The following ALG1 variants were observed in gnomAD, a reference collection of about 807,000 sequenced individuals.
ALG1 encodes the protein ALG1 chitobiosyldiphosphodolichol beta-mannosyltransferase.
Under a neutral mutation model 55.1 loss-of-function variants are expected in ALG1, and 58 were observed. The ratio of observed to expected loss-of-function variants is 1.05; its 90% CI spans 0.85 to 1.31. The LOEUF is 1.31. Among genes scored for constraint, ALG1 ranks in the 50% most tolerant of loss-of-function variants. ALG1 has a pLI of 0.00. For missense variants in ALG1, 761 were observed against 598.6 expected, an observed-to-expected ratio of 1.27 and a Z score of -2.83; for synonymous variants, 309 against 247.0, an observed-to-expected ratio of 1.25 and a Z score of -2.35.
chr16:5,083,450 A>AC (rs1447274031), intron 11 of ALG1, among the ~76,000 whole-genome samples: 2 of 151,840 alleles, frequency 1.3e-5, no homozygotes, highest in East Asian at 1.9e-4. Context: ...GAAGGTACAA[A>AC]CCCCCCTTAA....
Position 5,079,636 on chromosome 16 carries a change from C to T in ALG1, c.902-112C>T. On this transcript the variant is annotated intron_variant, in intron 8 of 12. Coordinates refer to ENST00000262374, the MANE Select transcript of ALG1 (RefSeq NM_019109.5). ...CCCAGGAGGCAGAGGTTGCAGTGAG[C>T]TGAGATCGCGCCATTGCATTCCAGC... 3.2e-6 allele frequency: 4 copies of T among 1,263,036 alleles called. No individual in the cohort carries two copies. In the Admixed American group the frequency reaches 7.1e-5, roughly 22 times the overall value. 78.2% of individuals were successfully genotyped at this position (1,263,036 alleles called of 1,614,324 possible).
Position 5,079,805 on chromosome 16 carries a change from C to T in ALG1, c.959C>T (p.Thr320Ile), listed in dbSNP as rs760346299. 1.2e-6 allele frequency: 2 copies of T among 1,611,726 alleles called. No individual in the cohort carries two copies. Among genetic ancestry groups the T allele is most frequent in the Non-Finnish European group, 1.7e-6 (2 of 1,179,692 alleles). ...HNLPSLVCVITGKGPLREYYS... is the reference protein window; with the variant it reads ...HNLPSLVCVIIGKGPLREYYS... ...CTTCCTTCTCTCGTCTGTGTGATAA[C>T]AGGTACTGCCTGGGACCCTGGGTGT... is the stretch of plus-strand genomic sequence containing the variant. Residue 320 changes from threonine to isoleucine, a missense_variant and splice_region_variant, in exon 9 of 13, where the codon ACA (threonine) becomes ATA (isoleucine). Thr to Ile is a moderately conservative substitution (Grantham distance 89). Coordinates refer to ENST00000262374, the MANE Select transcript of ALG1 (RefSeq NM_019109.5).
At chr16:5,072,389 A>C in intron 1 of ALG1, 1 of 647,224 alleles carries the variant, frequency 1.5e-6, no homozygotes. Context: ...GCTATGTCTG[A>C]GCTGACAGGA....
rs8054647 is a variant in ALG1, at chr16:5,078,208, C to T, written c.740+191C>T. 9.5e-3 allele frequency: 7,140 copies of T among 750,226 alleles called. 79 individuals are homozygous for T. Among genetic ancestry groups the T allele is most frequent in the African/African-American group, 0.031 (1,812 of 58,110 alleles). The allele number at this position is 750,226 out of a possible 1,614,324, so 46.5% of individuals were successfully genotyped here. A position where few individuals can be genotyped will look rare whatever the true frequency, so the allele number is the denominator to read the frequency against. On this transcript the variant is annotated intron_variant, in intron 6 of 12. Transcript: ENST00000262374. ...CATTGCCTTCTGAGTTGTCTACAGC[C>T]GCCTTTGAGCTGCAATAGCAGAATC...
At chr16:5,081,597 G>A (rs1480720873) in intron 10 of ALG1, among the ~76,000 whole-genome samples, 1 of 152,164 alleles carries the variant, frequency 6.6e-6, no homozygotes, top group African/African-American at 2.4e-5. Context: ...AGACAGTCTC[G>A]CTCCGTTGCC....
chr16:5,076,792 C>CTTTT (rs5815229), intron 4 of ALG1, among the ~76,000 whole-genome samples: 3 of 108,848 alleles, frequency 2.8e-5, no homozygotes, highest in African/African-American at 3.4e-5. Flanking sequence ...GTATTTCTTC[C>CTTTT]TTTTTTTTTT....
At chr16:5,075,925 T>C (rs1301704330) in intron 4 of ALG1, among the ~76,000 whole-genome samples, 1 of 152,198 alleles carries the variant, frequency 6.6e-6, no homozygotes, top group Admixed American at 6.5e-5. Flanking sequence ...CTTCCTCTGA[T>C]CTGCCTGTTG....
chr16:5,085,494 G>C lies in ALG1; in HGVS notation c.*613G>C. The C allele has an allele frequency of 1.3e-6, 1 of 752,278 alleles. No individual in the cohort carries two copies. The highest frequency in any genetic ancestry group is 2.6e-5 in the East Asian group (1 of 38,964). 46.6% of individuals were successfully genotyped at this position (752,278 alleles called of 1,614,324 possible). A position where few individuals can be genotyped will look rare whatever the true frequency, so the allele number is the denominator to read the frequency against. ...ATAGCCGATGTCTTATTAGAGGGCA[G>C]TTTGTGGTTCCTGATTTGGAAATTA... On this transcript the variant is annotated 3_prime_UTR_variant, in exon 13 of 13. Coordinates refer to ENST00000262374, the MANE Select transcript of ALG1 (RefSeq NM_019109.5).
At chr16:5,075,115 G>C (rs1048040610) in intron 3 of ALG1, among the ~76,000 whole-genome samples, 2 of 152,018 alleles carry the variant, frequency 1.3e-5, no homozygotes, top group Non-Finnish European at 1.5e-5. Context: ...TGTTTCCTAG[G>C]CCGGCCTTGA....
chr16:5,080,154 G>A (rs1248541583), intron 9 of ALG1, among the ~76,000 whole-genome samples: 3 of 144,656 alleles, frequency 2.1e-5, no homozygotes, highest in Non-Finnish European at 3.0e-5. Context: ...TGCAACCTCC[G>A]CCTCCCACAT....
Position 5,071,885 on chromosome 16 carries a change from T to C in ALG1, c.36T>C (p.Cys12=), listed in dbSNP as rs369180139. 151 of 1,603,214 alleles carry C rather than the reference T, an allele frequency of 9.4e-5. No homozygotes were observed. Among genetic ancestry groups the C allele is most frequent in the Non-Finnish European group, 1.2e-4 (141 of 1,176,966 alleles). ...CATGCTTGGTCCTGCTGGCGCTGTG[T>C]CTGCTGCTGCCGCTGCTGCTGCTGG... is the stretch of plus-strand genomic sequence containing the variant. ...AASCLVLLAL[C]LLLPLLLLGG... The change falls in exon 1 of 13, where the codon TGT becomes TGC. Residue 12 remains cysteine (C), a synonymous_variant. Transcript: ENST00000262374.
chr16:5,082,100 G>A (rs1957026245), intron 10 of ALG1, among the ~76,000 whole-genome samples: 1 of 151,354 alleles, frequency 6.6e-6, no homozygotes, highest in Admixed American at 6.6e-5. Flanking sequence ...CTGCCACGAT[G>A]CTTGGCTAAT....
chr16:5,078,743 T>G lies in ALG1; in HGVS notation c.741-14T>G. ...CTCTATGGCCTCTCACAGGCTTTTT[T>G]TCTGCTCCTTCAGCTCAGAACCTGA... On this transcript the variant is annotated splice_polypyrimidine_tract_variant and intron_variant, in intron 6 of 12. Coordinates refer to ENST00000262374, the MANE Select transcript of ALG1 (RefSeq NM_019109.5). The G allele has an allele frequency of 6.2e-7, 1 of 1,612,764 alleles. No homozygotes were observed. Among genetic ancestry groups the G allele is most frequent in the Non-Finnish European group, 8.5e-7 (1 of 1,179,792 alleles).
chr16:5,080,134 C>G (rs1167473880), intron 9 of ALG1, among the ~76,000 whole-genome samples: 1 of 143,624 alleles, frequency 7.0e-6, no homozygotes, highest in Non-Finnish European at 1.5e-5. Context: ...GTGGTGCGAT[C>G]TCGGCTCACT....
Position 5,085,695 on chromosome 16 carries a change from A to G in ALG1, c.*814A>G, listed in dbSNP as rs1301894696. ...CTTCGTAGGGAAACAGTTTCTGCTC[A>G]TGACGAGGTTCCACTTCCCATCTGA... On this transcript the variant is annotated 3_prime_UTR_variant, in exon 13 of 13. Transcript: ENST00000262374. The G allele has an allele frequency of 2.5e-6, 4 of 1,611,798 alleles. No individual in the cohort carries two copies. The highest frequency in any genetic ancestry group is 3.4e-6 in the Non-Finnish European group (4 of 1,179,804).
chr16:5,073,663 G>A (rs896398029), intron 3 of ALG1, among the ~76,000 whole-genome samples: 3 of 152,234 alleles, frequency 2.0e-5, no homozygotes, highest in Non-Finnish European at 2.9e-5. Flanking sequence ...AACGTAGGTC[G>A]TCAGTGTGGT....
rs1475479052 is a variant in ALG1, at chr16:5,077,438, T to G, written c.540-7T>G. Reference sequence around the variant, plus strand: ...GGGCTCTGCTGACTGCTGATCTCTCTTTTCAGGTACGAGAAGTTCTTTGGG... The same window carrying G: ...GGGCTCTGCTGACTGCTGATCTCTCGTTTCAGGTACGAGAAGTTCTTTGGG... On this transcript the variant is annotated splice_polypyrimidine_tract_variant and splice_region_variant and intron_variant, in intron 4 of 12. Transcript: ENST00000262374. 1.2e-6 allele frequency: 2 copies of G among 1,613,576 alleles called. No individual in the cohort carries two copies. Among genetic ancestry groups the G allele is most frequent in the Non-Finnish European group, 1.7e-6 (2 of 1,179,646 alleles).
At position 5,071,888 on chromosome 16, in the gene ALG1, G is replaced by C. The variant is rs751409028; in HGVS notation, c.39G>C (p.Leu13=). ...GCTTGGTCCTGCTGGCGCTGTGTCT[G>C]CTGCTGCCGCTGCTGCTGCTGGGAG... ...ASCLVLLALC[L]LLPLLLLGGW... is the part of the protein sequence containing the mutation. Residue 13 remains leucine, a synonymous_variant, in exon 1 of 13, where the codon CTG becomes CTC. Transcript: ENST00000262374. The C allele has an allele frequency of 5.0e-6, 8 of 1,599,236 alleles. No homozygotes were observed. In the African/African-American group the frequency reaches 8.0e-5, roughly 16 times the overall value.
intron 11 of ALG1, 116 bp from the exon 12 acceptor site, chr16:5,083,564 CCT>C (rs1227483948): frequency 5.5e-5 from 86 of 1,568,144 alleles, no homozygotes; most frequent in African/African-American, 1.2e-4. Context: ...AACCACACCC[CCT>C]GTTCCAACCC....
Sources: allele counts gnomAD v4.1 joint callset (sites outside exome capture counted in the v4.1 genomes callset), GRCh38; gene constraint gnomAD v4.1.1; transcripts MANE v1.5; gene names NCBI Gene and HGNC (gene_info 2026-07-23, HGNC 2026-07-21).